IQSEC1: variants seen among roughly 807,000 people sequenced by gnomAD.
IQSEC1 encodes the protein IQ motif and SEC7 domain-containing protein 1.
IQSEC1 carries 31 observed loss-of-function variants against 91.0 expected under a neutral mutation model. The observed-to-expected ratio is 0.34, with a 90% confidence interval of 0.26 to 0.46. IQSEC1 has a LOEUF of 0.46. IQSEC1 is among the 20% of genes least tolerant of loss of function. The pLI is 1.00. For missense variants in IQSEC1, 1,388 were observed against 1,575.6 expected (o/e 0.88, Z 2.02); for synonymous variants, 699 against 662.6 (o/e 1.05, Z -0.84).
intron 1 of IQSEC1, among the ~76,000 whole-genome samples, chr3:13,171,563 G>A (rs372826342): frequency 7.0e-4 from 106 of 152,184 alleles, no homozygotes; most frequent in African/African-American, 2.5e-3. Context: ...TCAAACTCAG[G>A]GATGTTGTTA....
chr3:13,056,842 G>A (rs890223647), intron 1 of IQSEC1, among the ~76,000 whole-genome samples: 4 of 151,924 alleles, frequency 2.6e-5, no homozygotes, highest in Non-Finnish European at 5.9e-5. Context: ...TTTTAAAATC[G>A]CTAATGTATA....
At chr3:13,077,406 G>T (rs1176556685), upstream of IQSEC1, among the ~76,000 whole-genome samples, 1 of 152,208 alleles carries the variant, frequency 6.6e-6, no homozygotes, top group Admixed American at 6.5e-5. Flanking sequence ...CCTGCATAGA[G>T]AGGTATCCAC....
chr3:13,245,675 G>A (rs1695096111), intron 1 of IQSEC1, among the ~76,000 whole-genome samples: 2 of 151,640 alleles, frequency 1.3e-5, no homozygotes, highest in South Asian at 2.1e-4. Context: ...GCTGAGGCAC[G>A]AGAATCGCTT....
At chr3:13,035,309 T>C (rs1703993537) in intron 1 of IQSEC1, among the ~76,000 whole-genome samples, 1 of 152,134 alleles carries the variant, frequency 6.6e-6, no homozygotes, top group Non-Finnish European at 1.5e-5. Context: ...CACCAAAGAC[T>C]CCATCAGACA....
rs528486354 is a variant in IQSEC1, at chr3:12,924,034, G to A, written c.1730+547C>T. ...CGCACAGCCCCAATATCCCAGCCGG[G>A]AGAATGAGGCAGGGGCAGAGCGTGG... On this transcript the variant is annotated intron_variant, in intron 4 of 13. Transcript: ENST00000613206. The surrounding 1 kb of genome is among the most constrained non-coding windows in gnomAD (Gnocchi z 6.3). Among the ~76,000 whole-genome samples, 8 of 152,332 alleles carry A rather than the reference G, an allele frequency of 5.3e-5. No homozygotes were observed. The highest frequency in any genetic ancestry group is 4.6e-4 in the Admixed American group (7 of 15,308).
At chr3:13,033,030 G>A (rs1296727756) in intron 1 of IQSEC1, among the ~76,000 whole-genome samples, 2 of 152,152 alleles carry the variant, frequency 1.3e-5, no homozygotes, top group Admixed American at 6.5e-5. Context: ...ATACTCACGT[G>A]GTGTTGCAAG....
intron 1 of IQSEC1, among the ~76,000 whole-genome samples, chr3:13,254,687 CCCT>C (rs1695256403): frequency 6.6e-6 from 1 of 152,222 alleles, no homozygotes; most frequent in African/African-American, 2.4e-5. Context: ...TCGTTTTCCT[CCCT>C]CCTCCTCCAT....
chr3:13,228,728 T>C (rs908086949), intron 1 of IQSEC1, among the ~76,000 whole-genome samples: 3 of 152,220 alleles, frequency 2.0e-5, no homozygotes. Context: ...CCAACCTTGC[T>C]GACCTCTTAG....
intron 1 of IQSEC1, among the ~76,000 whole-genome samples, chr3:13,027,926 T>C (rs1301571979): frequency 6.6e-6 from 1 of 152,232 alleles, no homozygotes; most frequent in East Asian, 1.9e-4. Flanking sequence ...ATATGTAGGT[T>C]AATCCTATGC....
intron 1 of IQSEC1, among the ~76,000 whole-genome samples, chr3:13,016,095 A>G (rs982315802): frequency 9.5e-5 from 11 of 116,184 alleles, no homozygotes; most frequent in African/African-American, 3.9e-4. Context: ...AAGGGGACCC[A>G]GGGGTGGTGC....
intron 1 of IQSEC1, among the ~76,000 whole-genome samples, chr3:13,273,161 T>C (rs1695616585): frequency 6.6e-6 from 1 of 151,814 alleles, no homozygotes; most frequent in Admixed American, 6.6e-5. Flanking sequence ...CAAAGACAGG[T>C]GGTGCATGTG....
At chr3:12,906,332 G>T (rs1487555354) in intron 12 of IQSEC1, among the ~76,000 whole-genome samples, 1 of 152,176 alleles carries the variant, frequency 6.6e-6, no homozygotes, top group Non-Finnish European at 1.5e-5. Flanking sequence ...CCGCTGGGGA[G>T]CTTGCAGCCC....
intron 1 of IQSEC1, among the ~76,000 whole-genome samples, chr3:13,179,717 C>G (rs1693801065): frequency 6.6e-6 from 1 of 152,266 alleles, no homozygotes; most frequent in Non-Finnish European, 1.5e-5. Flanking sequence ...CTGGCCAAGG[C>G]CGGAGCCGGC....
chr3:13,229,083 T>C (rs765864390), intron 1 of IQSEC1, among the ~76,000 whole-genome samples: 1 of 152,174 alleles, frequency 6.6e-6, no homozygotes, highest in Non-Finnish European at 1.5e-5. Flanking sequence ...ACCACTGGCA[T>C]ACACACACAC....
intron 1 of IQSEC1, among the ~76,000 whole-genome samples, chr3:12,956,913 G>C (rs1454803370): frequency 6.6e-6 from 1 of 152,216 alleles, no homozygotes; most frequent in African/African-American, 2.4e-5. Flanking sequence ...GGGAGCGTGG[G>C]AATCGAGGGA....
chr3:13,275,060 G>C (rs995740056), intron 1 of IQSEC1, among the ~76,000 whole-genome samples: 2 of 152,218 alleles, frequency 1.3e-5, no homozygotes, highest in Non-Finnish European at 2.9e-5. Flanking sequence ...CTGCCACTGG[G>C]TGACTGTGGG....
At chr3:13,035,645 A>G (rs113723738) in intron 1 of IQSEC1, among the ~76,000 whole-genome samples, 1,580 of 152,236 alleles carry the variant, frequency 0.01, 22 homozygotes, top group African/African-American at 0.034. Flanking sequence ...ATTGTGGTAG[A>G]TTCTATTTCC....
At chr3:13,255,763 C>T (rs976491886) in intron 1 of IQSEC1, among the ~76,000 whole-genome samples, 13 of 151,922 alleles carry the variant, frequency 8.6e-5, no homozygotes, top group African/African-American at 2.4e-4. Context: ...AATACAGGCA[C>T]GAGCCACTGT....
chr3:13,074,876 A>G (rs571707495), upstream of IQSEC1, among the ~76,000 whole-genome samples: 1 of 152,316 alleles, frequency 6.6e-6, no homozygotes, highest in Non-Finnish European at 1.5e-5. Flanking sequence ...AATGAACCTC[A>G]GGGGGTGAGC....
Sources: allele counts gnomAD v4.1 joint callset (sites outside exome capture counted in the v4.1 genomes callset), GRCh38; gene constraint gnomAD v4.1.1; non-coding constraint Gnocchi (gnomAD v3.1); transcripts MANE v1.5; gene names NCBI Gene and HGNC (gene_info 2026-07-23, HGNC 2026-07-21).